Variants in INSL6 observed in about 807,000 individuals in gnomAD.
The protein encoded by INSL6 is insulin-like peptide INSL6.
Under a neutral mutation model 9.4 loss-of-function variants are expected in INSL6, and 16 were observed. That is an observed-to-expected ratio of 1.70 (90% CI 1.15 to 2.59). INSL6 has a LOEUF of 2.59. Among genes scored for constraint, INSL6 ranks in the 30% most tolerant of loss-of-function variants. INSL6 has a pLI of 0.00. For missense variants in INSL6, 391 were observed against 257.3 expected (o/e 1.52, Z -3.56); for synonymous variants, 154 against 96.9 (o/e 1.59, Z -3.46).
At chr9:5,023,024 A>G in the INSL6 span, among the ~76,000 whole-genome samples, 1 of 152,206 alleles carries the variant, frequency 6.6e-6, no homozygotes, top group Non-Finnish European at 1.5e-5. Flanking sequence ...GTACATTTCA[A>G]GTTCCTTCTA....
At chr9:5,174,402 G>C (rs1825252480) in intron 1 of INSL6, among the ~76,000 whole-genome samples, 2 of 152,068 alleles carry the variant, frequency 1.3e-5, no homozygotes, top group Non-Finnish European at 2.9e-5. Context: ...CAAACATATT[G>C]CTAAATTCAA....
chr9:5,092,223 A>T, the INSL6 span, among the ~76,000 whole-genome samples: 3 of 152,182 alleles, frequency 2.0e-5, no homozygotes, highest in Non-Finnish European at 4.4e-5. Flanking sequence ...GGGCTCAAGG[A>T]GGATTTAGCA....
At chr9:5,109,760 T>C in the INSL6 span, 1 of 152,212 alleles carries the variant, frequency 6.6e-6, no homozygotes, top group Non-Finnish European at 1.5e-5. Flanking sequence ...CTAGTAGCAC[T>C]ATTTGTTACC....
At chr9:5,082,783 C>T in the INSL6 span, among the ~76,000 whole-genome samples, 1 of 152,244 alleles carries the variant, frequency 6.6e-6, no homozygotes, top group Non-Finnish European at 1.5e-5. Flanking sequence ...TGCCTGTACA[C>T]ATTTTGTTAA....
chr9:5,102,639 G>C, the INSL6 span, among the ~76,000 whole-genome samples: 1 of 152,200 alleles, frequency 6.6e-6, no homozygotes, highest in Non-Finnish European at 1.5e-5. Flanking sequence ...AGGGCAGCCA[G>C]AGAGAAATGT....
chr9:5,050,567 G>T, the INSL6 span: 1 of 1,044,330 alleles, frequency 9.6e-7, no homozygotes, highest in Non-Finnish European at 1.4e-6. Context: ...CACTGAGCCT[G>T]GCCAATTTGT....
chr9:5,105,402 A>G, the INSL6 span, among the ~76,000 whole-genome samples: 2 of 152,222 alleles, frequency 1.3e-5, no homozygotes, highest in Non-Finnish European at 2.9e-5. Context: ...CCACTGCTCA[A>G]TGAAATACAA....
At chr9:5,002,466 A>G in the INSL6 span, among the ~76,000 whole-genome samples, 1 of 151,992 alleles carries the variant, frequency 6.6e-6, no homozygotes, top group Non-Finnish European at 1.5e-5. Flanking sequence ...ATTTATTTCT[A>G]ATTCAATTTT....
At chr9:5,072,476 C>T in the INSL6 span, 1 of 1,507,752 alleles carries the variant, frequency 6.6e-7, no homozygotes, top group Non-Finnish European at 8.9e-7. Flanking sequence ...TTTTCTTTTA[C>T]CTTTTTCTCT....
the INSL6 span, among the ~76,000 whole-genome samples, chr9:4,995,061 A>T: frequency 2.0e-4 from 30 of 152,340 alleles, no homozygotes; most frequent in South Asian, 5.6e-3. Flanking sequence ...ATACCAAGTT[A>T]TGCTTTTCTA....
At chr9:5,015,802 G>T in the INSL6 span, among the ~76,000 whole-genome samples, 1 of 152,100 alleles carries the variant, frequency 6.6e-6, no homozygotes, top group East Asian at 1.9e-4. Flanking sequence ...AGTGCCTATG[G>T]AATTCTGGGA....
At chr9:4,994,233 T>C in the INSL6 span, among the ~76,000 whole-genome samples, 1 of 152,220 alleles carries the variant, frequency 6.6e-6, no homozygotes. Context: ...AATTAGCCTA[T>C]GGAAAAATGG....
chr9:5,110,700 T>C, the INSL6 span: 1 of 338,490 alleles, frequency 3.0e-6, no homozygotes. Flanking sequence ...CTATTACTCT[T>C]ACTGCCACCT....
chr9:5,171,061 G>T (rs1408341902), intron 1 of INSL6, among the ~76,000 whole-genome samples: 1 of 152,100 alleles, frequency 6.6e-6, no homozygotes, highest in Admixed American at 6.5e-5. Context: ...CAATATTCCT[G>T]AAGTACACCA....
At chr9:5,024,168 A>G in the INSL6 span, among the ~76,000 whole-genome samples, 430 of 152,242 alleles carry the variant, frequency 2.8e-3, no homozygotes, top group African/African-American at 0.01. Context: ...AGGTGGGAGA[A>G]TGGCATGAAC....
At chr9:5,123,119 G>A, downstream of INSL6, 1 of 1,569,548 alleles carries the variant, frequency 6.4e-7, no homozygotes, top group Non-Finnish European at 8.7e-7. Flanking sequence ...AAGTCCACCA[G>A]CGGTCAGTGT....
the INSL6 span, among the ~76,000 whole-genome samples, chr9:5,038,022 G>A: frequency 6.6e-6 from 1 of 152,156 alleles, no homozygotes; most frequent in Non-Finnish European, 1.5e-5. Context: ...GAACGAGATT[G>A]CTTGCTTTAG....
chr9:4,997,323 G>C, the INSL6 span, among the ~76,000 whole-genome samples: 1 of 152,184 alleles, frequency 6.6e-6, no homozygotes, highest in African/African-American at 2.4e-5. Context: ...GGTTCTGCAG[G>C]CTTACAAGCA....
the INSL6 span, chr9:5,081,900 T>A: frequency 7.7e-5 from 118 of 1,527,364 alleles, no homozygotes; most frequent in Middle Eastern, 1.7e-4. Flanking sequence ...GTATAATCAT[T>A]TCATTTAGGA....
Sources: allele counts gnomAD v4.1 joint callset (sites outside exome capture counted in the v4.1 genomes callset), GRCh38; gene constraint gnomAD v4.1.1; transcripts MANE v1.5; gene names NCBI Gene and HGNC (gene_info 2026-07-23, HGNC 2026-07-21).